The following IL15 variants were observed in gnomAD, a reference collection of about 807,000 sequenced individuals.
IL15 encodes the protein interleukin-15.
IL15 carries 11 observed loss-of-function variants against 19.6 expected under a neutral mutation model. That is an observed-to-expected ratio of 0.56 (90% confidence interval 0.35 to 0.93). The LOEUF (loss-of-function observed/expected upper bound fraction) is 0.93. IL15 is among the 40% of genes least tolerant of loss of function. The pLI is 0.01. For missense variants in IL15, 197 were observed against 186.5 expected (o/e 1.06, Z -0.33); for synonymous variants, 58 against 59.6 (o/e 0.97, Z 0.12).
intron 5 of IL15, among the ~76,000 whole-genome samples, chr4:141,722,296 G>A (rs1483517172): frequency 6.6e-6 from 1 of 152,084 alleles, no homozygotes; most frequent in Non-Finnish European, 1.5e-5. Flanking sequence ...GCACCTGCAG[G>A]GAGAATGGCT....
chr4:141,647,828 T>C (rs1205715537), intron 1 of IL15, among the ~76,000 whole-genome samples: 1 of 152,076 alleles, frequency 6.6e-6, no homozygotes, highest in African/African-American at 2.4e-5. Context: ...CTTTCCTTTG[T>C]GTGTTCTCCA....
chr4:141,658,318 A>G (rs375154441), intron 2 of IL15, among the ~76,000 whole-genome samples: 16 of 152,156 alleles, frequency 1.1e-4, no homozygotes, highest in African/African-American at 3.9e-4. Context: ...TCAATTAAAC[A>G]TTTTTTTCTT....
chr4:141,659,294 T>G (rs1395360158), intron 2 of IL15, among the ~76,000 whole-genome samples: 1 of 151,250 alleles, frequency 6.6e-6, no homozygotes, highest in Admixed American at 6.6e-5. Flanking sequence ...CCTTTGCCCC[T>G]TGGGTTCAAG....
chr4:141,719,420 G>A lies in IL15; in HGVS notation c.-45G>A, dbSNP rs774303741. The A allele has an allele frequency of 1.5e-5, 12 of 808,658 alleles. No homozygotes were observed. In the Admixed American group the frequency reaches 2.2e-4, roughly 15 times the overall value. The allele number at this position is 808,658 out of a possible 1,614,324, so 50.1% of individuals were successfully genotyped here. A position where few individuals can be genotyped will look rare whatever the true frequency, so the allele number is the denominator to read the frequency against. ...TGGCTGCTGGAAACCCCTTGCCATA[G>A]CCAGCTCTTCTTCAATACTTAAGGA... On this transcript the variant is annotated 5_prime_UTR_variant, in exon 3 of 8. The change abolishes the stop of an existing upstream ORF in the 5' untranslated region. Coordinates refer to ENST00000320650, the MANE Select transcript of IL15 (RefSeq NM_000585.5).
chr4:141,654,293 A>G (rs1252145889), intron 1 of IL15, among the ~76,000 whole-genome samples: 1 of 152,206 alleles, frequency 6.6e-6, no homozygotes, highest in African/African-American at 2.4e-5. Context: ...CCTGGAAGGG[A>G]AGCAGGCCAG....
At chr4:141,706,546 A>G (rs1442395704) in intron 2 of IL15, among the ~76,000 whole-genome samples, 2 of 152,146 alleles carry the variant, frequency 1.3e-5, no homozygotes, top group Non-Finnish European at 2.9e-5. Flanking sequence ...TATTATAGTA[A>G]TAATGAGCCT....
chr4:141,713,355 T>C (rs1378301995), intron 2 of IL15, among the ~76,000 whole-genome samples: 1 of 152,212 alleles, frequency 6.6e-6, no homozygotes, highest in African/African-American at 2.4e-5. Flanking sequence ...AGCAGGTGGT[T>C]GGTGATTCAA....
At chr4:141,724,516 T>A (rs1353831406) in intron 5 of IL15, among the ~76,000 whole-genome samples, 4 of 151,676 alleles carry the variant, frequency 2.6e-5, no homozygotes, top group South Asian at 2.1e-4. Context: ...ATAGAAAAAA[T>A]TAATGAAACA....
chr4:141,712,537 C>T (rs1207788026), intron 2 of IL15, among the ~76,000 whole-genome samples: 1 of 150,860 alleles, frequency 6.6e-6, no homozygotes, highest in Non-Finnish European at 1.5e-5. Context: ...AATGAATATC[C>T]CTTGTTTACC....
intron 2 of IL15, among the ~76,000 whole-genome samples, chr4:141,707,338 C>T (rs1215063718): frequency 1.3e-5 from 2 of 152,054 alleles, no homozygotes; most frequent in African/African-American, 4.8e-5. Flanking sequence ...TATTGTATCT[C>T]ACTGAGCTTT....
intron 5 of IL15, 143 bp downstream of exon 5, chr4:141,722,151 A>G: frequency 1.7e-6 from 2 of 1,162,362 alleles, no homozygotes; most frequent in South Asian, 5.7e-5. Flanking sequence ...AAGCTCAAAA[A>G]GAAGTCTTTT....
At chr4:141,670,287 GGCTATAAGAATTGTAGCCA>G (rs577514762) in intron 2 of IL15, among the ~76,000 whole-genome samples, 181 of 152,034 alleles carry the variant, frequency 1.2e-3, no homozygotes, top group Non-Finnish European at 2.0e-3. Flanking sequence ...GAATAAGACA[GGCTATAAGAATTGTAGCCA>G]GCTGTGCTGG....
At chr4:141,671,602 T>C (rs1199996751) in intron 2 of IL15, among the ~76,000 whole-genome samples, 1 of 152,230 alleles carries the variant, frequency 6.6e-6, no homozygotes, top group Non-Finnish European at 1.5e-5. Context: ...ATGGCTGTTG[T>C]GTGAGCCGCT....
intron 1 of IL15, among the ~76,000 whole-genome samples, chr4:141,645,196 C>G (rs1462442003): frequency 6.6e-6 from 1 of 152,116 alleles, no homozygotes; most frequent in Non-Finnish European, 1.5e-5. Context: ...AAAGACATAA[C>G]CAGAAAATCC....
intron 1 of IL15, among the ~76,000 whole-genome samples, chr4:141,637,560 A>AT (rs1245060730): frequency 6.6e-6 from 1 of 152,020 alleles, no homozygotes; most frequent in Non-Finnish European, 1.5e-5. Context: ...AATCCAGCCA[A>AT]TTTTTTCAAG....
chr4:141,657,067 A>G (rs1727632737), intron 2 of IL15, among the ~76,000 whole-genome samples: 1 of 152,236 alleles, frequency 6.6e-6, no homozygotes, highest in Non-Finnish European at 1.5e-5. Context: ...TATAGCCTAT[A>G]CATGCCTAGT....
intron 2 of IL15, among the ~76,000 whole-genome samples, chr4:141,674,360 A>AGG (rs1406068899): frequency 6.6e-6 from 1 of 152,218 alleles, no homozygotes; most frequent in African/African-American, 2.4e-5. Context: ...TTCAAAGTAC[A>AGG]GGGAAACTGA....
chr4:141,712,451 C>G (rs1017597581), intron 2 of IL15, among the ~76,000 whole-genome samples: 3 of 151,776 alleles, frequency 2.0e-5, no homozygotes, highest in Admixed American at 6.6e-5. Flanking sequence ...TGACAATAGC[C>G]CATGAACATA....
intron 2 of IL15, among the ~76,000 whole-genome samples, chr4:141,686,164 G>T (rs1050744714): frequency 1.3e-5 from 2 of 151,932 alleles, no homozygotes; most frequent in Non-Finnish European, 2.9e-5. Context: ...GCATGGTGGT[G>T]GTCACCTATA....
Sources: allele counts gnomAD v4.1 joint callset (sites outside exome capture counted in the v4.1 genomes callset), GRCh38; gene constraint gnomAD v4.1.1; transcripts MANE v1.5; gene names NCBI Gene and HGNC (gene_info 2026-07-23, HGNC 2026-07-21).